ATP2B4: variants seen among roughly 807,000 people sequenced by gnomAD.
ATP2B4 encodes plasma membrane calcium-transporting ATPase 4.
ATP2B4 carries 39 observed loss-of-function variants against 110.3 expected under a neutral mutation model. The ratio of observed to expected loss-of-function variants is 0.35; its 90% CI spans 0.27 to 0.46. The LOEUF is 0.46. ATP2B4 is among the 20% of genes least tolerant of loss of function. The probability of loss-of-function intolerance (pLI) is 1.00; values close to 1 mark genes in which losing one functional copy is unlikely to be tolerated. For synonymous variants in ATP2B4, 538 were observed against 571.7 expected (o/e 0.94, Z 0.84); for missense variants, 1,135 against 1,530.9 (o/e 0.74, Z 4.32).
At position 203,715,324 on chromosome 1, in the gene ATP2B4, G is replaced by A. The variant is rs182313720; in HGVS notation, c.2406+1047G>A. Among the ~76,000 whole-genome samples the A allele has an allele frequency of 7.8e-3, 1,101 of 142,040 alleles. 104 individuals carry two copies. The highest frequency in any genetic ancestry group is 0.027 in the African/African-American group (1,047 of 38,746). The allele number at this position is 142,040 out of a possible 152,430, so 93.2% of individuals were successfully genotyped here. On this transcript the variant is annotated intron_variant, in intron 15 of 20. Transcript: ENST00000357681. ...ATTGACTATTTGATTACTCTGAGGC[G>A]GGCAGATCGCCTGAGGTCAGGAGTT... is the stretch of plus-strand genomic sequence containing the variant.
At chr1:203,721,462 G>T (rs777130887) in intron 17 of ATP2B4, 52 bp downstream of exon 17, 7 of 1,566,252 alleles carry the variant, frequency 4.5e-6, no homozygotes, top group Non-Finnish European at 6.1e-6. Context: ...GGAGGTGGGG[G>T]CAGAGAAAGA....
intron 16 of ATP2B4, 121 bp downstream of exon 16, chr1:203,720,861 A>T: frequency 8.3e-7 from 1 of 1,204,950 alleles, no homozygotes; most frequent in Non-Finnish European, 1.1e-6. Context: ...ACATTGGGAC[A>T]GGAGTTAGCT....
chr1:203,712,611 G>C (rs1039633681), intron 13 of ATP2B4, among the ~76,000 whole-genome samples: 4 of 151,442 alleles, frequency 2.6e-5, no homozygotes, highest in African/African-American at 9.7e-5. Flanking sequence ...AAAAAAAGAG[G>C]GGGGGAGTTG....
At chr1:203,657,642 C>T (rs1664201580) in intron 1 of ATP2B4, 3 of 857,844 alleles carry the variant, frequency 3.5e-6, no homozygotes, top group African/African-American at 3.3e-5. Flanking sequence ...CTTCTTTGAA[C>T]GTTCATGAGC....
intron 19 of ATP2B4, among the ~76,000 whole-genome samples, chr1:203,726,307 A>G (rs1178379125): frequency 6.6e-6 from 1 of 151,806 alleles, no homozygotes; most frequent in African/African-American, 2.4e-5. Context: ...GGCTCAAGCA[A>G]TCCTCCTGCC....
chr1:203,682,352 A>G (rs1665041243), intron 1 of ATP2B4, among the ~76,000 whole-genome samples: 1 of 152,172 alleles, frequency 6.6e-6, no homozygotes, highest in Non-Finnish European at 1.5e-5. Context: ...CTCATCTTTT[A>G]TAGATAAGGT....
At chr1:203,730,361 G>A (rs1452688172) in intron 20 of ATP2B4, among the ~76,000 whole-genome samples, 1 of 151,852 alleles carries the variant, frequency 6.6e-6, no homozygotes, top group Admixed American at 6.6e-5. Flanking sequence ...AAAGTGCCTC[G>A]TGGCATCCAG....
chr1:203,656,916 C>CA (rs1664180540), intron 1 of ATP2B4: 1 of 595,624 alleles, frequency 1.7e-6, no homozygotes, highest in Non-Finnish European at 3.0e-6. Context: ...ACAGTAATGG[C>CA]AGTTTTTTCA....
intron 17 of ATP2B4, among the ~76,000 whole-genome samples, chr1:203,722,250 A>G (rs1047890963): frequency 2.6e-5 from 4 of 152,146 alleles, no homozygotes; most frequent in African/African-American, 9.7e-5. Flanking sequence ...TGGAAGGATC[A>G]CTTGAGCAGG....
rs779710260 is a variant in ATP2B4, at chr1:203,710,941, A to G, written c.1864A>G (p.Met622Val). ...VPFKNKDRDD[M>V]VRTVIEPMAC... is the part of the protein sequence containing the mutation. ...ATTCAAGAATAAAGACAGAGATGAT[A>G]TGGTACGCACTGTCATCGAGCCCAT... Residue 622 changes from methionine (M) to valine (V), a missense_variant, in exon 12 of 21, where the codon ATG (methionine) becomes GTG (valine). Coordinates refer to ENST00000357681, the MANE Select transcript of ATP2B4 (RefSeq NM_001684.5). The G allele has an allele frequency of 6.2e-7, 1 of 1,614,130 alleles. No individual in the cohort carries two copies. The highest frequency in any genetic ancestry group is 8.5e-7 in the Non-Finnish European group (1 of 1,179,998).
intron 13 of ATP2B4, among the ~76,000 whole-genome samples, chr1:203,712,597 GA>G (rs200539301): frequency 0.017 from 2,353 of 141,032 alleles, 64 homozygotes; most frequent in African/African-American, 0.058. Context: ...TCTCAAAAAA[GA>G]AAAAAAAAAG....
intron 1 of ATP2B4, among the ~76,000 whole-genome samples, chr1:203,655,611 A>G (rs1161350407): frequency 6.6e-6 from 1 of 151,910 alleles, no homozygotes; most frequent in Non-Finnish European, 1.5e-5. Flanking sequence ...ATGTCAGTGC[A>G]CTCCAGCCTG....
Position 203,739,972 on chromosome 1 carries a change from G to A in ATP2B4, c.*118G>A, listed in dbSNP as rs143717733. On this transcript the variant is annotated 3_prime_UTR_variant, in exon 21 of 21. Coordinates refer to ENST00000357681, the MANE Select transcript of ATP2B4 (RefSeq NM_001684.5). Reference sequence around the variant, plus strand: ...TCAGCTGCTGTGTTAACAGCAGTGTGTGTGAAGTGAACCTCTACCTGACCA... The same window carrying A: ...TCAGCTGCTGTGTTAACAGCAGTGTATGTGAAGTGAACCTCTACCTGACCA... The A allele has an allele frequency of 4.8e-5, 54 of 1,124,102 alleles. No individual in the cohort carries two copies. Among genetic ancestry groups the A allele is most frequent in the Non-Finnish European group, 5.8e-5 (47 of 804,226 alleles). The allele number at this position is 1,124,102 out of a possible 1,614,324, so 69.6% of individuals were successfully genotyped here.
rs1558038923 is a variant in ATP2B4 at position 203,698,256 on chromosome 1, G to A, written c.293G>A (p.Trp98Ter). 2 of 1,614,132 alleles carry A rather than the reference G, an allele frequency of 1.2e-6. No individual in the cohort carries two copies. The highest frequency in any genetic ancestry group is 1.7e-6 in the Non-Finnish European group (2 of 1,180,000). Residue 98 changes from tryptophan to a stop codon, truncating the protein, a stop_gained, in exon 3 of 21, where the codon TGG (tryptophan) becomes TAG (stop). Coordinates refer to ENST00000357681, the MANE Select transcript of ATP2B4 (RefSeq NM_001684.5). LOFTEE classifies it high-confidence loss of function. ...CCCAAGACTTTCTTAGAATTAGTGT[G>A]GGAAGCTCTTCAAGATGTCACGCTT... ...KKPKTFLELVWEALQDVTLII... is the reference protein window; with the variant it reads ...KKPKTFLELV
intron 1 of ATP2B4, among the ~76,000 whole-genome samples, chr1:203,644,409 G>A (rs960093170): frequency 1.3e-5 from 2 of 152,088 alleles, no homozygotes; most frequent in Admixed American, 6.6e-5. Context: ...CTGAATAATT[G>A]CAAAGCCTTC....
intron 1 of ATP2B4, among the ~76,000 whole-genome samples, chr1:203,677,961 G>A (rs1664877437): frequency 6.6e-6 from 1 of 152,232 alleles, no homozygotes. Flanking sequence ...ACAGAGTAGG[G>A]CAGGGCAGGG....
chr1:203,737,914 G>T (rs1666911910), intron 20 of ATP2B4, among the ~76,000 whole-genome samples: 1 of 152,152 alleles, frequency 6.6e-6, no homozygotes. Flanking sequence ...CAACAGTATT[G>T]ATAGTGAGCC....
intron 1 of ATP2B4, among the ~76,000 whole-genome samples, chr1:203,660,858 C>T (rs1033025542): frequency 4.6e-5 from 7 of 150,980 alleles, no homozygotes; most frequent in African/African-American, 1.7e-4. Flanking sequence ...TGCCTGTAGT[C>T]CCAGCACTTT....
At chr1:203,700,747 G>A in intron 5 of ATP2B4, 51 bp from the exon 6 acceptor site, 1 of 1,606,868 alleles carries the variant, frequency 6.2e-7, no homozygotes, top group Non-Finnish European at 8.5e-7. Flanking sequence ...ACCAAATCAT[G>A]TCTAGGTATT....
Sources: allele counts gnomAD v4.1 joint callset (sites outside exome capture counted in the v4.1 genomes callset), GRCh38; gene constraint gnomAD v4.1.1; transcripts MANE v1.5; gene names NCBI Gene and HGNC (gene_info 2026-07-23, HGNC 2026-07-21).